DHRS3: variants seen among roughly 807,000 people sequenced by gnomAD.
DHRS3 encodes dehydrogenase/reductase 3.
A neutral mutation model predicts 27.2 loss-of-function variants in DHRS3; 14 were observed. That is an observed-to-expected ratio of 0.52 (90% CI 0.34 to 0.81). The LOEUF (loss-of-function observed/expected upper bound fraction) is 0.81, where lower values mean the gene tolerates loss of function less well. DHRS3 is among the 30% of genes least tolerant of loss of function. The pLI is 0.01. For missense variants in DHRS3, 322 were observed against 406.2 expected (o/e 0.79, Z 1.78); for synonymous variants, 165 against 175.9 (o/e 0.94, Z 0.49).
rs763515601 is a variant in DHRS3, at chr1:12,617,273, C to A, written c.76G>T (p.Gly26Ter). ...CGCAGCTTGGCGGGCAGCACCAGTC[C>A]GACGGCTGCTTTCACCACCAGATAG... ...MIYLVVKAAV[G>*]LVLPAKLRDL... is the part of the protein sequence containing the mutation. The change falls in exon 1 of 6, where the codon GGA (glycine) becomes TGA (stop). Residue 26 changes from glycine (G) to a stop codon, truncating the protein, a stop_gained. Transcript: ENST00000616661. LOFTEE classifies it high-confidence loss of function. 2 of 1,613,802 alleles carry A rather than the reference C, an allele frequency of 1.2e-6. No individual in the cohort carries two copies.
At chr1:12,580,707 A>C in intron 1 of DHRS3, 41 bp from the exon 2 acceptor site, 1 of 1,575,082 alleles carries the variant, frequency 6.3e-7, no homozygotes, top group Non-Finnish European at 8.6e-7. Flanking sequence ...ATGGTCATTA[A>C]GCCACAGTGA....
At chr1:12,576,991 A>G (rs1646594199) in intron 4 of DHRS3, among the ~76,000 whole-genome samples, 1 of 151,588 alleles carries the variant, frequency 6.6e-6, no homozygotes, top group Non-Finnish European at 1.5e-5. Context: ...GATTCTCAAC[A>G]ATCAACACCG....
chr1:12,595,158 G>GC (rs547470343), intron 1 of DHRS3, among the ~76,000 whole-genome samples: 147 of 152,326 alleles, frequency 9.7e-4, no homozygotes, highest in Non-Finnish European at 1.8e-3. Flanking sequence ...GGAAGAGGCT[G>GC]CCCCAGCGCC....
intron 1 of DHRS3, among the ~76,000 whole-genome samples, chr1:12,615,804 C>G (rs1414880334): frequency 6.6e-6 from 1 of 152,216 alleles, no homozygotes; most frequent in Non-Finnish European, 1.5e-5. Context: ...CTGAGAACAA[C>G]TCTGACTTCC....
Position 12,591,055 on chromosome 1 carries a change from G to A in DHRS3, c.196-10389C>T, listed in dbSNP as rs946204848. Reference sequence around the variant, plus strand: ...ACTCAAGGCTGTTTCTAGGGGAGGAGACAGACATAGAGCTTCGGGTTTTCC... The same window carrying A: ...ACTCAAGGCTGTTTCTAGGGGAGGAAACAGACATAGAGCTTCGGGTTTTCC... On this transcript the variant is annotated intron_variant, in intron 1 of 5. Transcript: ENST00000616661. The surrounding 1 kb of genome is among the most constrained non-coding windows in gnomAD (Gnocchi z 4.1). Among the ~76,000 whole-genome samples, 4 of 152,216 alleles carry A rather than the reference G, an allele frequency of 2.6e-5. No individual in the cohort carries two copies. The highest frequency in any genetic ancestry group is 2.1e-4 in the South Asian group (1 of 4,830).
At chr1:12,589,944 AC>A (rs777997608) in intron 1 of DHRS3, among the ~76,000 whole-genome samples, 1 of 152,008 alleles carries the variant, frequency 6.6e-6, no homozygotes, top group Non-Finnish European at 1.5e-5. Flanking sequence ...TGCCCGGAAG[AC>A]CCCATCTGGT....
chr1:12,582,672 C>G (rs149511106), intron 1 of DHRS3, among the ~76,000 whole-genome samples: 65 of 152,174 alleles, frequency 4.3e-4, no homozygotes, highest in African/African-American at 1.5e-3. Flanking sequence ...GACCACCCCC[C>G]GCCTTGCCTT....
At position 12,578,216 on chromosome 1, in the gene DHRS3, C is replaced by G. The variant is rs924358044; in HGVS notation, c.698+502G>C. 3.9e-5 allele frequency among the ~76,000 whole-genome samples: 6 copies of G among 152,240 alleles called. No individual in the cohort carries two copies. The highest frequency in any genetic ancestry group is 1.4e-4 in the African/African-American group (6 of 41,468). ...GCTCTGGTAGTTTCCTATAAGCTCC[C>G]TGAACCAAGCAGCAGGACCCTCCCC... On this transcript the variant is annotated intron_variant, in intron 4 of 5. Transcript: ENST00000616661. This position sits in a 1 kb window ranked among gnomAD's most constrained non-coding sequence, Gnocchi z 4.5.
At chr1:12,601,016 T>C (rs4845908) in intron 1 of DHRS3, among the ~76,000 whole-genome samples, 65,553 of 151,084 alleles carry the variant, frequency 0.43, 15,227 homozygotes, top group South Asian at 0.55. Flanking sequence ...AAGGCATCAG[T>C]AAATGACCTG....
At chr1:12,598,391 C>CAA (rs56007006) in intron 1 of DHRS3, among the ~76,000 whole-genome samples, 4 of 150,638 alleles carry the variant, frequency 2.7e-5, no homozygotes, top group African/African-American at 7.3e-5. Flanking sequence ...TAAAATAAAA[C>CAA]AAAAAAAAAT....
chr1:12,616,833 G>A, intron 1 of DHRS3: 2 of 815,842 alleles, frequency 2.5e-6, no homozygotes, highest in Non-Finnish European at 3.3e-6. Context: ...GAAGGCGGGG[G>A]AGGGGGGCAC....
chr1:12,610,137 G>A (rs1646897282), intron 1 of DHRS3, among the ~76,000 whole-genome samples: 1 of 152,070 alleles, frequency 6.6e-6, no homozygotes, highest in Non-Finnish European at 1.5e-5. Flanking sequence ...GGAGTGCAGT[G>A]GCATGATCTC....
At chr1:12,604,847 G>A (rs542057630) in intron 1 of DHRS3, among the ~76,000 whole-genome samples, 3 of 152,232 alleles carry the variant, frequency 2.0e-5, no homozygotes, top group South Asian at 2.1e-4. Flanking sequence ...TCAAGAGATC[G>A]AGACCATCCT....
rs1646887627 is a variant in DHRS3 at position 12,608,737 on chromosome 1, T to C, written c.195+8417A>G. On this transcript the variant is annotated intron_variant, in intron 1 of 5. Transcript: ENST00000616661. The surrounding 1 kb of genome is among the most constrained non-coding windows in gnomAD (Gnocchi z 4.1). ...ACCTGTTCCAAAGGGCAGGAAGGTG[T>C]TCCTCTTGCAGGGCCCAGGTCTGCA... 6.6e-6 allele frequency among the ~76,000 whole-genome samples: 1 copy of C among 152,162 alleles called. No homozygotes were observed. The highest frequency in any genetic ancestry group is 1.5e-5 in the Non-Finnish European group (1 of 68,016).
At chr1:12,580,393 C>A (rs781358060) in intron 2 of DHRS3, 130 bp downstream of exon 2, 2 of 1,337,928 alleles carry the variant, frequency 1.5e-6, no homozygotes, top group South Asian at 2.5e-5. Flanking sequence ...GGAGAGTCCC[C>A]AAAGGTGCCC....
Position 12,580,617 on chromosome 1 carries a change from T to C in DHRS3, c.245A>G (p.Glu82Gly). 1 of 1,614,086 alleles carries C rather than the reference T, an allele frequency of 6.2e-7. No homozygotes were observed. The highest frequency in any genetic ancestry group is 8.5e-7 in the Non-Finnish European group (1 of 1,180,044). The change falls in exon 2 of 6, where the codon GAG becomes GGG. Residue 82 changes from glutamate to glycine, a missense_variant. Glu to Gly is a moderately conservative substitution (Grantham distance 98). Transcript: ENST00000616661. ...GCACTCAGTGCCCATCTGCCGGATC[T>C]CCTCCGTCGTCTCCTTCAGGCATTT... ...TEKCLKETTE[E>G]IRQMGTECHY...
At chr1:12,606,311 C>CAAAAA (rs56928608) in intron 1 of DHRS3, among the ~76,000 whole-genome samples, 2 of 98,242 alleles carry the variant, frequency 2.0e-5, no homozygotes, top group African/African-American at 8.4e-5. Context: ...CAATTAACAG[C>CAAAAA]AAAAAAAAAA....
chr1:12,594,010 G>C lies in DHRS3; in HGVS notation c.196-13344C>G, dbSNP rs1271200803. On this transcript the variant is annotated intron_variant, in intron 1 of 5. Coordinates refer to ENST00000616661, the MANE Select transcript of DHRS3 (RefSeq NM_004753.7). The surrounding 1 kb of genome is among the most constrained non-coding windows in gnomAD (Gnocchi z 4.1). Reference sequence around the variant, plus strand: ...GAAACTCAGGCTAGAGTTCATGGCTGACACCTCACAACCTTTGCCCTTTTC... The same window carrying C: ...GAAACTCAGGCTAGAGTTCATGGCTCACACCTCACAACCTTTGCCCTTTTC... Among the ~76,000 whole-genome samples, 2 of 152,214 alleles carry C rather than the reference G, an allele frequency of 1.3e-5. No individual in the cohort carries two copies. The highest frequency in any genetic ancestry group is 2.9e-5 in the Non-Finnish European group (2 of 68,034).
chr1:12,580,679 A>C lies in DHRS3; in HGVS notation c.196-13T>G. 6.2e-7 allele frequency: 1 copy of C among 1,609,682 alleles called. No individual in the cohort carries two copies. Among genetic ancestry groups the C allele is most frequent in the Non-Finnish European group, 8.5e-7 (1 of 1,177,214 alleles). On this transcript the variant is annotated splice_polypyrimidine_tract_variant and intron_variant, in intron 1 of 5. Coordinates refer to ENST00000616661, the MANE Select transcript of DHRS3 (RefSeq NM_004753.7). ...CCCAGAGAACAATCTGGAAGAAGAT[A>C]ATAACAACGCAGAACAAATGGTCAT... is the stretch of plus-strand genomic sequence containing the variant.
Sources: gnomAD v4.1 joint callset for allele counts (sites outside exome capture counted in the v4.1 genomes callset) on GRCh38, gnomAD v4.1.1 for gene constraint, Gnocchi (gnomAD v3.1) non-coding constraint, MANE v1.5 for transcripts, NCBI Gene and HGNC (gene_info 2026-07-23, HGNC 2026-07-21) for gene names.